Variants in SHCBP1 observed in about 807,000 individuals in gnomAD.
SHCBP1 encodes the protein SHC SH2 domain-binding protein 1.
Under a neutral mutation model 75.1 loss-of-function variants are expected in SHCBP1, and 60 were observed. The ratio of observed to expected loss-of-function variants is 0.80; its 90% CI spans 0.65 to 0.99. The LOEUF (loss-of-function observed/expected upper bound fraction) is 0.99, where lower values mean the gene tolerates loss of function less well. Among genes scored for constraint, SHCBP1 ranks in the 50% least tolerant of loss-of-function variants. The pLI is 0.00. For synonymous variants in SHCBP1, 290 were observed against 293.2 expected, an observed-to-expected ratio of 0.99 and a Z score of 0.11; for missense variants, 709 against 809.4, an observed-to-expected ratio of 0.88 and a Z score of 1.50.
intron 10 of SHCBP1, among the ~76,000 whole-genome samples, chr16:46,592,931 C>T (rs926876623): frequency 3.2e-5 from 1 of 31,610 alleles, no homozygotes; most frequent in African/African-American, 1.0e-4. Flanking sequence ...AAGTCAACAT[C>T]CACTTATGAT....
Position 46,578,792 on chromosome 16 carries a change from T to C in SHCBP1, c.*2937A>G, listed in dbSNP as rs1238298347. Among the ~76,000 whole-genome samples, 4 of 152,160 alleles carry C rather than the reference T, an allele frequency of 2.6e-5. No individual in the cohort carries two copies. The highest frequency in any genetic ancestry group is 7.2e-5 in the African/African-American group (3 of 41,440). On this transcript the variant is annotated 3_prime_UTR_variant, in exon 13 of 13. Transcript: ENST00000303383. ...AAAATTTATTTCAACTTAATTTCCA[T>C]AGAAGCCTGTGGAATGTACTTCCTA...
intron 3 of SHCBP1, among the ~76,000 whole-genome samples, chr16:46,617,290 T>C (rs1023769606): frequency 1.3e-5 from 2 of 152,070 alleles, no homozygotes; most frequent in Non-Finnish European, 2.9e-5. Context: ...TTAAAAAAAA[T>C]AAATAAATAA....
In SHCBP1 at chr16:46,589,125, C is replaced by G. The variant is rs527362448; in HGVS notation, c.1465-5036G>C. Among the ~76,000 whole-genome samples the G allele has an allele frequency of 7.2e-5, 11 of 152,000 alleles. No individual in the cohort carries two copies. The South Asian group carries it at 2.3e-3, about 32-fold the overall frequency. On this transcript the variant is annotated intron_variant, in intron 10 of 12. Transcript: ENST00000303383. ...GGCCTTCAACAAAATTCAACAGCGTCTCATGCTAAAAACTCTCAATAAACT... is the reference window on the plus strand; with the variant it reads ...GGCCTTCAACAAAATTCAACAGCGTGTCATGCTAAAAACTCTCAATAAACT...
At position 46,595,618 on chromosome 16, in the gene SHCBP1, C is replaced by A; in HGVS notation, c.1398G>T (p.Thr466=). The A allele has an allele frequency of 6.2e-7, 1 of 1,614,154 alleles. No individual in the cohort carries two copies. Residue 466 remains threonine, a synonymous_variant, in exon 10 of 13, where the codon ACG becomes ACT. Transcript: ENST00000303383. ...TLENCVLQCE[T]TGVTVRTSAE... ...CTGATGTCCGCACTGTGACTCCGGT[C>A]GTCTCACACTGCAGCACACAGTTTT...
At chr16:46,583,923 A>C (rs1160061802) in intron 11 of SHCBP1, 80 bp downstream of exon 11, 1 of 1,287,186 alleles carries the variant, frequency 7.8e-7, no homozygotes, top group Non-Finnish European at 1.1e-6. Flanking sequence ...AGAAAATAGA[A>C]CCCAACAATT....
chr16:46,581,482 A>T lies in SHCBP1; in HGVS notation c.*247T>A. On this transcript the variant is annotated 3_prime_UTR_variant, in exon 13 of 13. Transcript: ENST00000303383. Reference sequence around the variant, plus strand: ...CTTAATATGAGAGAACCATGTGTATAAGAAAGCAAGACTTTCAGATAAGCA... The same window carrying T: ...CTTAATATGAGAGAACCATGTGTATTAGAAAGCAAGACTTTCAGATAAGCA... The T allele has an allele frequency of 4.3e-6, 2 of 461,420 alleles. No individual in the cohort carries two copies. The highest frequency in any genetic ancestry group is 5.7e-5 in the South Asian group (2 of 34,884). 28.6% of individuals were successfully genotyped at this position (461,420 alleles called of 1,614,324 possible). A position where few individuals can be genotyped will look rare whatever the true frequency, so the allele number is the denominator to read the frequency against.
intron 8 of SHCBP1, among the ~76,000 whole-genome samples, chr16:46,600,879 A>T (rs1596679743): frequency 1.3e-5 from 2 of 151,846 alleles, no homozygotes; most frequent in South Asian, 4.2e-4. Flanking sequence ...CGAGTGTGGC[A>T]TGTGCCTGTA....
chr16:46,579,865 T>C lies in SHCBP1; in HGVS notation c.*1864A>G, dbSNP rs536531550. On this transcript the variant is annotated 3_prime_UTR_variant, in exon 13 of 13. Coordinates refer to ENST00000303383, the MANE Select transcript of SHCBP1 (RefSeq NM_024745.5). ...ATCACTTGAACCCAGGAGACTGAGG[T>C]TGCAATGAGCCGAGATCATGCCACT... Among the ~76,000 whole-genome samples, 23 of 152,016 alleles carry C rather than the reference T, an allele frequency of 1.5e-4. No individual in the cohort carries two copies. Among genetic ancestry groups the C allele is most frequent in the African/African-American group, 5.3e-4 (22 of 41,444 alleles).
In SHCBP1 at chr16:46,604,021, G is replaced by A. The variant is rs199982006; in HGVS notation, c.1046C>T (p.Thr349Met). The change falls in exon 7 of 13, where the codon ACG (threonine) becomes ATG (methionine). Residue 349 changes from threonine to methionine, a missense_variant. Thr to Met is a moderately conservative substitution (Grantham distance 81). Transcript: ENST00000303383. ...MMAGLLRSLLTDRLCQEPGEE... is the reference protein window; with the variant it reads ...MMAGLLRSLLMDRLCQEPGEE... Reference sequence around the variant, plus strand: ...ACCAGGCTCCTGGCAAAGCCTGTCCGTAAGCAGGGACCGCAGGAGACCAGC... The same window carrying A: ...ACCAGGCTCCTGGCAAAGCCTGTCCATAAGCAGGGACCGCAGGAGACCAGC... The A allele has an allele frequency of 6.1e-5, 99 of 1,614,078 alleles. No homozygotes were observed. Among genetic ancestry groups the A allele is most frequent in the South Asian group, 1.4e-4 (13 of 91,046 alleles).
chr16:46,583,791 C>A, intron 11 of SHCBP1, 134 bp from the exon 12 acceptor site: 1 of 1,098,386 alleles, frequency 9.1e-7, no homozygotes, highest in Non-Finnish European at 1.3e-6. Context: ...GCACAGTCTG[C>A]ACCCTTAGTG....
At chr16:46,582,657 C>T (rs1964891146) in intron 12 of SHCBP1, among the ~76,000 whole-genome samples, 1 of 152,158 alleles carries the variant, frequency 6.6e-6, no homozygotes. Context: ...GACCCATGAG[C>T]TAAAGGAATG....
chr16:46,590,519 C>T (rs1462125256), intron 10 of SHCBP1, among the ~76,000 whole-genome samples: 1 of 152,212 alleles, frequency 6.6e-6, no homozygotes, highest in Non-Finnish European at 1.5e-5. Flanking sequence ...TATGAACAGA[C>T]ACTTCTCAAA....
chr16:46,604,150 G>A lies in SHCBP1; in HGVS notation c.924-7C>T, dbSNP rs1432749810. ...CTGATAACCAAACACATACCTTAAA[G>A]AAACGAAACAGGCCTATCAGTAAGA... is the stretch of plus-strand genomic sequence containing the variant. On this transcript the variant is annotated splice_region_variant and splice_polypyrimidine_tract_variant and intron_variant, in intron 6 of 12. Coordinates refer to ENST00000303383, the MANE Select transcript of SHCBP1 (RefSeq NM_024745.5). The A allele has an allele frequency of 3.0e-5, 48 of 1,613,600 alleles. No homozygotes were observed. The highest frequency in any genetic ancestry group is 3.8e-5 in the Non-Finnish European group (45 of 1,179,924).
At position 46,599,858 on chromosome 16, in the gene SHCBP1, G is replaced by A; in HGVS notation, c.1318C>T (p.Gln440Ter). Residue 440 changes from glutamine (Q) to a stop codon, truncating the protein, a stop_gained, in exon 9 of 13, where the codon CAG becomes TAG. Coordinates refer to ENST00000303383, the MANE Select transcript of SHCBP1 (RefSeq NM_024745.5). LOFTEE classifies it high-confidence loss of function. ...AAGATTCCCTCTACAGCATCATGCT[G>A]AACAAATTTTATGCCTGAGATTTTA... ...DIKISGIKFV[Q>*]HDAVEGILIV... 6.2e-7 allele frequency: 1 copy of A among 1,611,466 alleles called. No homozygotes were observed. The highest frequency in any genetic ancestry group is 8.5e-7 in the Non-Finnish European group (1 of 1,179,336).
At chr16:46,592,745 C>T (rs1965065982) in intron 10 of SHCBP1, among the ~76,000 whole-genome samples, 4 of 151,366 alleles carry the variant, frequency 2.6e-5, no homozygotes, top group Admixed American at 2.6e-4. Flanking sequence ...TAATTATATA[C>T]CATGACCAAG....
chr16:46,593,549 G>C (rs1392508246), intron 10 of SHCBP1, among the ~76,000 whole-genome samples: 1 of 152,010 alleles, frequency 6.6e-6, no homozygotes, highest in Non-Finnish European at 1.5e-5. Flanking sequence ...TAGGCAACAT[G>C]GCAAGACCCC....
chr16:46,604,476 G>A lies in SHCBP1; in HGVS notation c.690-15C>T, dbSNP rs1381881447. 6.3e-7 allele frequency: 1 copy of A among 1,577,102 alleles called. No homozygotes were observed. Among genetic ancestry groups the A allele is most frequent in the East Asian group, 2.2e-5 (1 of 44,578 alleles). On this transcript the variant is annotated splice_polypyrimidine_tract_variant and intron_variant, in intron 5 of 12. Transcript: ENST00000303383. The stretch of plus-strand genomic sequence containing the variant: ...TGTCATAATGCCTGAAAGTTTAAAA[G>A]CAAAGTGAAATCCACTGCCTTTCAG...
chr16:46,603,025 A>G (rs1354490723), intron 8 of SHCBP1, among the ~76,000 whole-genome samples: 3 of 152,258 alleles, frequency 2.0e-5, no homozygotes, highest in Non-Finnish European at 4.4e-5. Context: ...ACATTCGGCA[A>G]GCATTTAGAG....
rs1964871119 is a variant in SHCBP1 at position 46,581,624 on chromosome 16, T to A, written c.*105A>T. 9.4e-7 allele frequency: 1 copy of A among 1,066,768 alleles called. No individual in the cohort carries two copies. The highest frequency in any genetic ancestry group is 1.4e-6 in the Non-Finnish European group (1 of 731,680). The allele number at this position is 1,066,768 out of a possible 1,614,324, so 66.1% of individuals were successfully genotyped here. ...CTACCTTTCACTCAAGCCCAAATAA[T>A]CAAATATAAAATACAGACAATACAG... On this transcript the variant is annotated 3_prime_UTR_variant, in exon 13 of 13. Coordinates refer to ENST00000303383, the MANE Select transcript of SHCBP1 (RefSeq NM_024745.5).
Sources: allele counts gnomAD v4.1 joint callset (sites outside exome capture counted in the v4.1 genomes callset), GRCh38; gene constraint gnomAD v4.1.1; transcripts MANE v1.5; gene names NCBI Gene and HGNC (gene_info 2026-07-23, HGNC 2026-07-21).